The following PTPRT variants were observed in gnomAD, a reference collection of about 807,000 sequenced individuals.
PTPRT encodes the protein protein tyrosine phosphatase receptor type T.
PTPRT carries 56 observed loss-of-function variants against 176.8 expected under a neutral mutation model. The observed-to-expected ratio is 0.32, with a 90% CI of 0.26 to 0.40. The LOEUF (loss-of-function observed/expected upper bound fraction) is 0.40, where lower values mean the gene tolerates loss of function less well. Ranked by LOEUF, PTPRT falls within the 10% of genes least tolerant of loss-of-function variation. The pLI is 1.00. For synonymous variants in PTPRT, 783 were observed against 739.0 expected, an observed-to-expected ratio of 1.06 and a Z score of -0.96; for missense variants, 1,540 against 1,908.2, an observed-to-expected ratio of 0.81 and a Z score of 3.60.
At chr20:42,986,784 C>G (rs746385301) in intron 1 of PTPRT, among the ~76,000 whole-genome samples, 1 of 152,152 alleles carries the variant, frequency 6.6e-6, no homozygotes, top group Non-Finnish European at 1.5e-5. Context: ...AAAGCATAAA[C>G]AGTAAGCAGC....
chr20:42,649,360 C>T (rs961700951), intron 7 of PTPRT, among the ~76,000 whole-genome samples: 3 of 152,138 alleles, frequency 2.0e-5, no homozygotes, highest in African/African-American at 7.2e-5. Context: ...GGATCCCTCC[C>T]ATGACACGTG....
intron 1 of PTPRT, among the ~76,000 whole-genome samples, chr20:42,960,515 G>A (rs1981927121): frequency 6.6e-6 from 1 of 152,138 alleles, no homozygotes; most frequent in South Asian, 2.1e-4. Context: ...GTTTCAACAT[G>A]AATTTTCAAG....
chr20:42,327,811 T>A (rs1338125607), intron 11 of PTPRT, among the ~76,000 whole-genome samples: 1 of 151,978 alleles, frequency 6.6e-6, no homozygotes, highest in African/African-American at 2.4e-5. Context: ...TATATGTAAA[T>A]CTGAAATGTC....
At chr20:42,845,660 T>G (rs538038660) in intron 2 of PTPRT, among the ~76,000 whole-genome samples, 1 of 152,100 alleles carries the variant, frequency 6.6e-6, no homozygotes, top group African/African-American at 2.4e-5. Context: ...GAGAACTCCC[T>G]GGGTATGAGC....
chr20:42,429,851 G>A (rs1370190535), intron 9 of PTPRT, among the ~76,000 whole-genome samples: 1 of 152,196 alleles, frequency 6.6e-6, no homozygotes, highest in Non-Finnish European at 1.5e-5. Context: ...TGCAAGAAAG[G>A]AGGAAGAGGG....
intron 1 of PTPRT, among the ~76,000 whole-genome samples, chr20:42,920,502 G>A (rs886548067): frequency 1.3e-5 from 2 of 151,984 alleles, no homozygotes; most frequent in African/African-American, 4.8e-5. Flanking sequence ...ACATGATTGT[G>A]TACAATGACC....
intron 1 of PTPRT, among the ~76,000 whole-genome samples, chr20:43,174,068 T>C (rs1163337474): frequency 6.6e-6 from 1 of 152,226 alleles, no homozygotes; most frequent in Non-Finnish European, 1.5e-5. Flanking sequence ...GACATGCTCA[T>C]TGAAAATTCT....
chr20:42,971,991 T>G (rs1381549602), intron 1 of PTPRT, among the ~76,000 whole-genome samples: 1 of 151,678 alleles, frequency 6.6e-6, no homozygotes, highest in African/African-American at 2.4e-5. Flanking sequence ...AATAAGCGAA[T>G]AAGCAAAATA....
intron 4 of PTPRT, among the ~76,000 whole-genome samples, chr20:42,778,018 T>C (rs1174203383): frequency 1.3e-5 from 2 of 152,146 alleles, no homozygotes; most frequent in African/African-American, 2.4e-5. Flanking sequence ...TTATATCCCA[T>C]GGTCCATTTG....
chr20:42,755,619 A>G (rs1249399862), intron 6 of PTPRT, among the ~76,000 whole-genome samples: 1 of 151,594 alleles, frequency 6.6e-6, no homozygotes, highest in African/African-American at 2.4e-5. Flanking sequence ...AGAAAAATCC[A>G]TAAAGATGCT....
chr20:42,546,555 T>G lies in PTPRT; in HGVS notation c.1154-73993A>C, dbSNP rs116142587. On this transcript the variant is annotated intron_variant, in intron 7 of 30. Transcript: ENST00000373187. ...CATATTTAATTTCCTTTAACAGTGT[T>G]TCCAACTTAACTAACTGCTTTGTGT... Among the ~76,000 whole-genome samples the G allele has an allele frequency of 3.6e-3, 552 of 152,280 alleles. 3 individuals carry two copies. The highest frequency in any genetic ancestry group is 0.013 in the African/African-American group (532 of 41,556).
chr20:42,726,433 C>A (rs1170660406), intron 6 of PTPRT, among the ~76,000 whole-genome samples: 1 of 152,200 alleles, frequency 6.6e-6, no homozygotes, highest in Non-Finnish European at 1.5e-5. Flanking sequence ...GGGCCTACGG[C>A]CATGGAGTGG....
At chr20:43,066,424 T>C (rs1178687401) in intron 1 of PTPRT, among the ~76,000 whole-genome samples, 2 of 152,178 alleles carry the variant, frequency 1.3e-5, no homozygotes, top group African/African-American at 4.8e-5. Context: ...CCCAAGAACA[T>C]TGCAGAGGCT....
At chr20:42,774,216 T>G (rs1334045503) in intron 4 of PTPRT, among the ~76,000 whole-genome samples, 1 of 152,198 alleles carries the variant, frequency 6.6e-6, no homozygotes, top group Non-Finnish European at 1.5e-5. Flanking sequence ...ACCACCTCCT[T>G]GCCCCATCTT....
At chr20:42,425,629 A>G (rs2059156289) in intron 9 of PTPRT, among the ~76,000 whole-genome samples, 1 of 152,234 alleles carries the variant, frequency 6.6e-6, no homozygotes, top group Non-Finnish European at 1.5e-5. Context: ...TCCTCTCACC[A>G]TGAACAACAT....
intron 2 of PTPRT, among the ~76,000 whole-genome samples, chr20:42,813,497 T>C (rs1193977415): frequency 6.6e-6 from 1 of 151,934 alleles, no homozygotes; most frequent in African/African-American, 2.4e-5. Flanking sequence ...AAAATTAGTA[T>C]TTGTGGTATG....
intron 7 of PTPRT, among the ~76,000 whole-genome samples, chr20:42,636,184 G>A (rs1246359133): frequency 6.6e-6 from 1 of 152,088 alleles, no homozygotes; most frequent in Non-Finnish European, 1.5e-5. Context: ...GGTTGCCCAA[G>A]CCCTGGCATT....
chr20:42,839,532 T>C (rs1333223019), intron 2 of PTPRT, among the ~76,000 whole-genome samples: 1 of 152,090 alleles, frequency 6.6e-6, no homozygotes, highest in Non-Finnish European at 1.5e-5. Context: ...GTTGGAGAAA[T>C]AATGGCAGCA....
intron 1 of PTPRT, among the ~76,000 whole-genome samples, chr20:42,997,221 C>T (rs971970814): frequency 5.5e-5 from 8 of 146,518 alleles, no homozygotes; most frequent in Admixed American, 4.8e-4. Flanking sequence ...CCCATTAACA[C>T]GGGCAGGCTC....
Sources: gnomAD v4.1 joint callset for allele counts (sites outside exome capture counted in the v4.1 genomes callset) on GRCh38, gnomAD v4.1.1 for gene constraint, MANE v1.5 for transcripts, NCBI Gene and HGNC (gene_info 2026-07-23, HGNC 2026-07-21) for gene names.